SLC35F3: variants seen among roughly 807,000 people sequenced by gnomAD.
The protein encoded by SLC35F3 is putative thiamine transporter SLC35F3.
In SLC35F3, 25 loss-of-function variants were observed where a neutral mutation model predicts 49.9. The ratio of observed to expected loss-of-function variants is 0.50; its 90% CI spans 0.37 to 0.70. The LOEUF (loss-of-function observed/expected upper bound fraction) is 0.70, where lower values mean the gene tolerates loss of function less well. Ranked by LOEUF, SLC35F3 falls within the 30% of genes least tolerant of loss-of-function variation. The pLI is 0.00. For missense variants in SLC35F3, 525 were observed against 639.8 expected (o/e 0.82, Z 1.94); for synonymous variants, 275 against 265.4 (o/e 1.04, Z -0.35).
intron 2 of SLC35F3, among the ~76,000 whole-genome samples, chr1:234,148,518 G>A (rs911976514): frequency 2.0e-5 from 3 of 152,116 alleles, no homozygotes. Context: ...GGAGGAGAAT[G>A]GCATATCACA....
chr1:234,028,510 G>A (rs937741378), intron 2 of SLC35F3, among the ~76,000 whole-genome samples: 8 of 152,180 alleles, frequency 5.3e-5, no homozygotes, highest in Non-Finnish European at 7.3e-5. Context: ...GGTGAAAGAG[G>A]ATGTTTGCTG....
chr1:233,909,615 G>A (rs1661838136), intron 2 of SLC35F3, among the ~76,000 whole-genome samples: 1 of 152,338 alleles, frequency 6.6e-6, no homozygotes, highest in South Asian at 2.1e-4. Context: ...AATTCTTGGT[G>A]ATAAGCTTTG....
intron 2 of SLC35F3, among the ~76,000 whole-genome samples, chr1:233,990,697 T>C (rs748902672): frequency 2.0e-5 from 3 of 152,224 alleles, no homozygotes; most frequent in South Asian, 4.1e-4. Flanking sequence ...CATTTTACAA[T>C]GTGTGCACAT....
intron 2 of SLC35F3, among the ~76,000 whole-genome samples, chr1:233,995,595 C>A (rs1663445160): frequency 6.6e-6 from 1 of 152,198 alleles, no homozygotes; most frequent in African/African-American, 2.4e-5. Flanking sequence ...TCCCAAATTG[C>A]TTCTACATAT....
At chr1:234,008,623 G>T (rs1663667319) in intron 2 of SLC35F3, among the ~76,000 whole-genome samples, 1 of 152,166 alleles carries the variant, frequency 6.6e-6, no homozygotes, top group African/African-American at 2.4e-5. Flanking sequence ...CCTTGTTCAG[G>T]CTTAATGTTA....
At chr1:233,956,027 A>G (rs966254002) in intron 2 of SLC35F3, among the ~76,000 whole-genome samples, 8 of 151,340 alleles carry the variant, frequency 5.3e-5, no homozygotes, top group South Asian at 2.1e-4. Flanking sequence ...AGCTGGCATT[A>G]TAGGCATGCG....
chr1:233,906,679 T>C (rs1661783114), intron 2 of SLC35F3, among the ~76,000 whole-genome samples: 1 of 152,194 alleles, frequency 6.6e-6, no homozygotes, highest in Non-Finnish European at 1.5e-5. Flanking sequence ...TTTTCGACCT[T>C]TTATTGCTTA....
chr1:234,215,935 GTT>G (rs752851870), intron 2 of SLC35F3, among the ~76,000 whole-genome samples: 10 of 152,310 alleles, frequency 6.6e-5, no homozygotes, highest in Non-Finnish European at 1.0e-4. Flanking sequence ...CAGAACATCA[GTT>G]TGCACTGAAC....
At chr1:234,234,778 G>A (rs577691970) in intron 3 of SLC35F3, among the ~76,000 whole-genome samples, 14 of 152,240 alleles carry the variant, frequency 9.2e-5, no homozygotes, top group Non-Finnish European at 1.5e-4. Context: ...AGCTCTCAGA[G>A]CCTCAGATGC....
chr1:234,020,109 A>G (rs912004810), intron 2 of SLC35F3, among the ~76,000 whole-genome samples: 4 of 151,986 alleles, frequency 2.6e-5, no homozygotes, highest in African/African-American at 9.7e-5. Context: ...CCATGTGGGT[A>G]AGCTGCACGC....
At chr1:233,979,530 A>G (rs917209048) in intron 2 of SLC35F3, among the ~76,000 whole-genome samples, 6 of 152,220 alleles carry the variant, frequency 3.9e-5, no homozygotes, top group Non-Finnish European at 7.3e-5. Flanking sequence ...GACCTTACCC[A>G]GGTGGACAGA....
intron 2 of SLC35F3, among the ~76,000 whole-genome samples, chr1:233,976,800 A>G (rs1400229671): frequency 1.3e-5 from 2 of 152,112 alleles, no homozygotes; most frequent in African/African-American, 4.8e-5. Context: ...TAGTAGAGAC[A>G]TGGTTTCACC....
intron 2 of SLC35F3, among the ~76,000 whole-genome samples, chr1:234,230,337 ATTTAAG>A (rs1038031035): frequency 6.6e-6 from 1 of 152,224 alleles, no homozygotes; most frequent in Non-Finnish European, 1.5e-5. Context: ...TATTAAAGTT[ATTTAAG>A]TTTAAGCAAT....
intron 2 of SLC35F3, among the ~76,000 whole-genome samples, chr1:234,204,187 A>G (rs1214412851): frequency 6.6e-6 from 1 of 152,148 alleles, no homozygotes; most frequent in African/African-American, 2.4e-5. Context: ...AAGCTTATCT[A>G]TATTCACATC....
chr1:234,038,115 C>A, intron 2 of SLC35F3, among the ~76,000 whole-genome samples: 2 of 114,192 alleles, frequency 1.8e-5, no homozygotes, highest in African/African-American at 3.3e-5. Context: ...CCTTCCCCCT[C>A]CCCCCACCCC....
chr1:234,130,566 G>A (rs1295557808), intron 2 of SLC35F3, among the ~76,000 whole-genome samples: 1 of 151,598 alleles, frequency 6.6e-6, no homozygotes, highest in Non-Finnish European at 1.5e-5. Context: ...GTGAACCCGG[G>A]AGGTGGAGCT....
rs539575591 is a variant in SLC35F3 at position 234,278,079 on chromosome 1, C to T, written c.609-31022C>T. On this transcript the variant is annotated intron_variant, in intron 3 of 7. Coordinates refer to ENST00000366618, the MANE Select transcript of SLC35F3 (RefSeq NM_173508.4). ...ATAGAGGCATGCGCCTGTGGTCCCA[C>T]CTGCTCAGGAGGCTAAGGTGGGAGG... 1.7e-4 allele frequency among the ~76,000 whole-genome samples: 26 copies of T among 152,130 alleles called. 1 individual carries two copies. The highest frequency in any genetic ancestry group is 2.5e-4 in the Non-Finnish European group (17 of 68,004).
intron 2 of SLC35F3, among the ~76,000 whole-genome samples, chr1:233,935,430 C>T (rs12132495): frequency 0.45 from 67,740 of 151,818 alleles, 16,357 homozygotes; most frequent in Non-Finnish European, 0.55. Flanking sequence ...TTGACCTTTG[C>T]CTGTATCCTG....
At chr1:233,964,922 C>A (rs986227495) in intron 2 of SLC35F3, among the ~76,000 whole-genome samples, 1 of 152,126 alleles carries the variant, frequency 6.6e-6, no homozygotes, top group Non-Finnish European at 1.5e-5. Context: ...TAACCTCTTG[C>A]ATAAAGTGAA....
Sources: allele counts gnomAD v4.1 joint callset (sites outside exome capture counted in the v4.1 genomes callset), GRCh38; gene constraint gnomAD v4.1.1; transcripts MANE v1.5; gene names NCBI Gene and HGNC (gene_info 2026-07-23, HGNC 2026-07-21).